Variants in SDK1 observed in about 807,000 individuals in gnomAD.
SDK1 encodes protein sidekick-1.
SDK1 carries 157 observed loss-of-function variants against 245.5 expected under a neutral mutation model. The observed-to-expected ratio is 0.64, with a 90% confidence interval of 0.56 to 0.73. The LOEUF (loss-of-function observed/expected upper bound fraction) is 0.73. Among genes scored for constraint, SDK1 ranks in the 30% least tolerant of loss-of-function variants. The pLI is 0.00. For synonymous variants in SDK1, 1,647 were observed against 1,278.5 expected, an observed-to-expected ratio of 1.29 and a Z score of -6.15; for missense variants, 3,583 against 3,002.3, an observed-to-expected ratio of 1.19 and a Z score of -4.52.
chr7:3,567,659 C>T (rs2128628382), intron 1 of SDK1, among the ~76,000 whole-genome samples: 1 of 152,238 alleles, frequency 6.6e-6, no homozygotes, highest in East Asian at 1.9e-4. Context: ...TGTATCATTC[C>T]AGAATTGTCA....
intron 1 of SDK1, among the ~76,000 whole-genome samples, chr7:3,462,986 G>A (rs542459260): frequency 2.0e-4 from 30 of 152,150 alleles, no homozygotes; most frequent in Non-Finnish European, 4.1e-4. Flanking sequence ...ACCCCATTTG[G>A]CAGCTCCCCC....
chr7:4,145,938 G>C, intron 29 of SDK1, 22 bp downstream of exon 29: 1 of 1,576,022 alleles, frequency 6.3e-7, no homozygotes, highest in Non-Finnish European at 8.6e-7. Context: ...GGGGACCCGG[G>C]GGTACTGCAG....
At chr7:3,759,936 A>C (rs149939642) in intron 4 of SDK1, among the ~76,000 whole-genome samples, 4 of 151,930 alleles carry the variant, frequency 2.6e-5, no homozygotes, top group African/African-American at 9.7e-5. Flanking sequence ...TTGTTTTACA[A>C]TTTGCTGTGC....
At chr7:3,508,777 C>G (rs757350630) in intron 1 of SDK1, among the ~76,000 whole-genome samples, 6 of 152,262 alleles carry the variant, frequency 3.9e-5, no homozygotes, top group South Asian at 4.2e-4. Context: ...TTGCCCCAAA[C>G]CTGTTTATTT....
intron 28 of SDK1, among the ~76,000 whole-genome samples, chr7:4,136,672 A>T (rs1328369596): frequency 3.3e-5 from 5 of 152,216 alleles, no homozygotes; most frequent in Non-Finnish European, 7.3e-5. Flanking sequence ...CATGGCCTTG[A>T]CTGGTATTAC....
intron 1 of SDK1, among the ~76,000 whole-genome samples, chr7:3,610,638 C>T (rs1010307368): frequency 2.6e-5 from 4 of 152,176 alleles, no homozygotes; most frequent in Non-Finnish European, 4.4e-5. Flanking sequence ...CTACCATCAG[C>T]TTCAATTGTG....
intron 1 of SDK1, among the ~76,000 whole-genome samples, chr7:3,325,893 T>C (rs1779928380): frequency 6.8e-6 from 1 of 146,854 alleles, no homozygotes. Context: ...CTAGGCTGCC[T>C]GAATCAAACA....
chr7:3,762,811 T>C (rs1039487585), intron 4 of SDK1, among the ~76,000 whole-genome samples: 9 of 152,256 alleles, frequency 5.9e-5, no homozygotes, highest in Non-Finnish European at 1.2e-4. Flanking sequence ...TTTATGTAGT[T>C]TTTGTTTCCG....
intron 4 of SDK1, among the ~76,000 whole-genome samples, chr7:3,717,192 A>G (rs764276805): frequency 1.3e-5 from 2 of 152,234 alleles, no homozygotes; most frequent in Non-Finnish European, 2.9e-5. Flanking sequence ...GAAATAGACC[A>G]TATCCTGGTT....
chr7:4,187,953 G>GGGAGGCCTCACTATCATGGT (rs369135486), intron 35 of SDK1, among the ~76,000 whole-genome samples: 5,393 of 152,248 alleles, frequency 0.035, 124 homozygotes, highest in South Asian at 0.13. Context: ...CACGTGGCTG[G>GGGAGGCCTCACTATCATGGT]GGAAGGTGAA....
At chr7:4,060,521 A>G (rs1057502908) in intron 19 of SDK1, among the ~76,000 whole-genome samples, 55 of 151,904 alleles carry the variant, frequency 3.6e-4, no homozygotes, top group Admixed American at 5.2e-4. Flanking sequence ...GTTTGAGTTC[A>G]TTGTAGATTC....
chr7:4,250,925 C>T (rs2128240765), intron 44 of SDK1, among the ~76,000 whole-genome samples: 1 of 152,310 alleles, frequency 6.6e-6, no homozygotes, highest in East Asian at 1.9e-4. Flanking sequence ...AACCCCATAA[C>T]TCTACCAGTC....
chr7:3,580,706 C>A (rs146634424), intron 1 of SDK1, among the ~76,000 whole-genome samples: 11 of 152,188 alleles, frequency 7.2e-5, no homozygotes, highest in African/African-American at 2.4e-4. Context: ...TGGTGGCTCA[C>A]GCCTGTAATC....
intron 4 of SDK1, among the ~76,000 whole-genome samples, chr7:3,794,784 G>A (rs893618101): frequency 1.3e-5 from 2 of 152,082 alleles, no homozygotes; most frequent in African/African-American, 2.4e-5. Context: ...GATCAACACA[G>A]GATGCATCCA....
intron 28 of SDK1, among the ~76,000 whole-genome samples, chr7:4,137,123 C>A (rs1430434267): frequency 1.3e-5 from 2 of 152,208 alleles, no homozygotes; most frequent in African/African-American, 2.4e-5. Flanking sequence ...CAGGGAAGTG[C>A]ACAATTTATT....
chr7:3,621,099 T>C (rs1781924526), intron 2 of SDK1, among the ~76,000 whole-genome samples: 1 of 152,152 alleles, frequency 6.6e-6, no homozygotes, highest in East Asian at 1.9e-4. Context: ...AGATCCCTCC[T>C]CATTTGCAGT....
intron 1 of SDK1, among the ~76,000 whole-genome samples, chr7:3,400,130 A>G (rs1436410109): frequency 2.0e-5 from 3 of 152,048 alleles, no homozygotes; most frequent in African/African-American, 7.2e-5. Flanking sequence ...TCTGGTGGCT[A>G]CAGGACTACA....
Position 3,587,300 on chromosome 7 carries a change from C to CGTGTGTGT in SDK1, c.299-31759_299-31752dup, listed in dbSNP as rs10523052. ...GTCAAGATTCTCCAGAGAAACAGAA[C>CGTGTGTGT]GTGTGTGTGTGTGTGTGTGTGTGTG... On this transcript the variant is annotated intron_variant, in intron 1 of 44. Transcript: ENST00000404826. Among the ~76,000 whole-genome samples the CGTGTGTGT allele has an allele frequency of 1.1e-3, 167 of 149,160 alleles. 3 individuals carry two copies. In the South Asian group the frequency reaches 0.014, roughly 13 times the overall value.
At chr7:3,533,456 ATG>A (rs1783416103) in intron 1 of SDK1, among the ~76,000 whole-genome samples, 1 of 152,198 alleles carries the variant, frequency 6.6e-6, no homozygotes, top group Admixed American at 6.5e-5. Context: ...AATAAATCCT[ATG>A]TATTCTCCAG....
Sources: allele counts gnomAD v4.1 joint callset (sites outside exome capture counted in the v4.1 genomes callset), GRCh38; gene constraint gnomAD v4.1.1; transcripts MANE v1.5; gene names NCBI Gene and HGNC (gene_info 2026-07-23, HGNC 2026-07-21).